Variants in BAIAP2L1 observed in about 807,000 individuals in gnomAD.
The protein encoded by BAIAP2L1 is BAR/IMD domain containing adaptor protein 2 like 1.
BAIAP2L1 carries 35 observed loss-of-function variants against 66.3 expected under a neutral mutation model. The ratio of observed to expected loss-of-function variants is 0.53; its 90% CI spans 0.40 to 0.70. BAIAP2L1 has a LOEUF of 0.70. BAIAP2L1 is among the 30% of genes least tolerant of loss of function. The pLI, the probability that BAIAP2L1 is intolerant of heterozygous loss-of-function variation, is 0.00. For missense variants in BAIAP2L1, 622 were observed against 656.9 expected (o/e 0.95, Z 0.58); for synonymous variants, 269 against 248.7 (o/e 1.08, Z -0.77).
At chr7:98,372,046 C>G (rs35174341) in intron 1 of BAIAP2L1, among the ~76,000 whole-genome samples, 1 of 151,800 alleles carries the variant, frequency 6.6e-6, no homozygotes, top group Non-Finnish European at 1.5e-5. Context: ...CACCTGCCTC[C>G]GCCTCCCAAA....
chr7:98,299,965 CG>C (rs1800354142), intron 12 of BAIAP2L1, among the ~76,000 whole-genome samples: 1 of 152,142 alleles, frequency 6.6e-6, no homozygotes, highest in African/African-American at 2.4e-5. Context: ...TGCTTGAGCC[CG>C]GGAAGTGGAG....
Position 98,295,608 on chromosome 7 carries a change from C to T in BAIAP2L1, c.1423-1497G>A, listed in dbSNP as rs149836520. Among the ~76,000 whole-genome samples the T allele has an allele frequency of 2.9e-3, 439 of 152,240 alleles. 1 individual carries two copies. The highest frequency in any genetic ancestry group is 5.7e-3 in the Admixed American group (87 of 15,288). ...AAGGGCCATGGCTGGGCCTGAGGCA[C>T]GATTCATGCCAATCCTGACTCCACT... On this transcript the variant is annotated intron_variant, in intron 12 of 13. Coordinates refer to ENST00000005260, the MANE Select transcript of BAIAP2L1 (RefSeq NM_018842.5).
Position 98,293,270 on chromosome 7 carries a change from C to A in BAIAP2L1, c.*251G>T. ...AAGATTGAAACCAAGTTTACTGTTTCTTGAACAGAATAGGAAGAAAATATT... is the reference window on the plus strand; with the variant it reads ...AAGATTGAAACCAAGTTTACTGTTTATTGAACAGAATAGGAAGAAAATATT... On this transcript the variant is annotated 3_prime_UTR_variant, in exon 14 of 14. Coordinates refer to ENST00000005260, the MANE Select transcript of BAIAP2L1 (RefSeq NM_018842.5). 1 of 404,100 alleles carries A rather than the reference C, an allele frequency of 2.5e-6. No homozygotes were observed. Among genetic ancestry groups the A allele is most frequent in the Non-Finnish European group, 4.4e-6 (1 of 225,756 alleles). The allele number at this position is 404,100 out of a possible 1,614,324, so 25.0% of individuals were successfully genotyped here.
At chr7:98,350,485 A>C (rs12111846) in intron 3 of BAIAP2L1, among the ~76,000 whole-genome samples, 2,490 of 152,202 alleles carry the variant, frequency 0.016, 75 homozygotes, top group African/African-American at 0.057. Context: ...GTGAAACAAT[A>C]CCGCTCCTAC....
At chr7:98,356,689 T>C (rs1485058824) in intron 2 of BAIAP2L1, among the ~76,000 whole-genome samples, 2 of 132,504 alleles carry the variant, frequency 1.5e-5, no homozygotes, top group Non-Finnish European at 3.2e-5. Context: ...AAAAAAAAAT[T>C]GAAGGGGCTG....
At chr7:98,340,824 T>TTTTTTTTTTG (rs1562776595) in intron 3 of BAIAP2L1, among the ~76,000 whole-genome samples, 1 of 151,276 alleles carries the variant, frequency 6.6e-6, no homozygotes, top group East Asian at 1.9e-4. Flanking sequence ...GGACAGAGTT[T>TTTTTTTTTTG]CACTCTGTCA....
At chr7:98,338,744 T>C (rs1340228427) in intron 3 of BAIAP2L1, among the ~76,000 whole-genome samples, 2 of 152,174 alleles carry the variant, frequency 1.3e-5, no homozygotes. Context: ...ACCTTTTGGC[T>C]ATTGTGAGTT....
Position 98,319,365 on chromosome 7 carries a change from C to T in BAIAP2L1, c.348+693G>A, listed in dbSNP as rs1017831641. Among the ~76,000 whole-genome samples, 11 of 152,142 alleles carry T rather than the reference C, an allele frequency of 7.2e-5. 1 individual carries two copies. The highest frequency in any genetic ancestry group is 4.1e-4 in the South Asian group (2 of 4,826). Reference sequence around the variant, plus strand: ...TCTCTGCAGATGGGCCAGGGCACACCGGGAGCCCCGGACGGTGCTCTCCCG... The same window carrying T: ...TCTCTGCAGATGGGCCAGGGCACACTGGGAGCCCCGGACGGTGCTCTCCCG... On this transcript the variant is annotated intron_variant, in intron 5 of 13. Coordinates refer to ENST00000005260, the MANE Select transcript of BAIAP2L1 (RefSeq NM_018842.5).
intron 2 of BAIAP2L1, among the ~76,000 whole-genome samples, chr7:98,357,049 A>ATATATAT (rs1406909573): frequency 4.8e-4 from 6 of 12,616 alleles, no homozygotes; most frequent in African/African-American, 8.4e-4. Flanking sequence ...ATATATATAT[A>ATATATAT]TTTTTTTTTT....
chr7:98,325,752 A>G (rs1442872278), intron 3 of BAIAP2L1, among the ~76,000 whole-genome samples: 1 of 152,240 alleles, frequency 6.6e-6, no homozygotes, highest in Non-Finnish European at 1.5e-5. Context: ...CAATTTTCCA[A>G]GTTTCAAATG....
Position 98,293,030 on chromosome 7 carries a change from T to A in BAIAP2L1, c.*491A>T, listed in dbSNP as rs1800035336. On this transcript the variant is annotated 3_prime_UTR_variant, in exon 14 of 14. Transcript: ENST00000005260. ...TTTAAGTTAAATTACATTTATATAG[T>A]ATTTTCATAATTTATATTGCTTAAA... The A allele has an allele frequency of 1.0e-6, 1 of 970,922 alleles. No individual in the cohort carries two copies. Among genetic ancestry groups the A allele is most frequent in the East Asian group, 6.6e-5 (1 of 15,124 alleles). The allele number at this position is 970,922 out of a possible 1,614,324, so 60.1% of individuals were successfully genotyped here.
chr7:98,385,218 G>C (rs904650006), intron 1 of BAIAP2L1, among the ~76,000 whole-genome samples: 3 of 151,670 alleles, frequency 2.0e-5, no homozygotes, highest in African/African-American at 7.3e-5. Flanking sequence ...AGAGGTGGGA[G>C]GATTATTTGA....
At chr7:98,357,164 G>A (rs1382261977) in intron 2 of BAIAP2L1, among the ~76,000 whole-genome samples, 13 of 146,236 alleles carry the variant, frequency 8.9e-5, no homozygotes, top group African/African-American at 2.8e-4. Context: ...TTGGATTATA[G>A]TTGTGAGCCA....
At chr7:98,385,305 T>C (rs1802860458) in intron 1 of BAIAP2L1, among the ~76,000 whole-genome samples, 1 of 152,006 alleles carries the variant, frequency 6.6e-6, no homozygotes, top group South Asian at 2.1e-4. Context: ...CGAGATTCTG[T>C]CTCAAATAAA....
At chr7:98,386,454 A>G (rs1043697995) in intron 1 of BAIAP2L1, 4 of 1,597,140 alleles carry the variant, frequency 2.5e-6, no homozygotes, top group Non-Finnish European at 3.4e-6. Context: ...CGTCTTTCCA[A>G]TATTTCTTAT....
intron 2 of BAIAP2L1, among the ~76,000 whole-genome samples, chr7:98,361,457 T>C (rs1285357394): frequency 6.6e-6 from 1 of 152,122 alleles, no homozygotes; most frequent in Non-Finnish European, 1.5e-5. Flanking sequence ...TTTCTACTTA[T>C]GTTACTTGGT....
In BAIAP2L1 at chr7:98,313,445, G is replaced by A. The variant is rs1398319126; in HGVS notation, c.640-1181C>T. ...ACACGGTGGGGATATCACGCAGGAA[G>A]AGAACCTCAAGGTCACCTCTGTCCT... On this transcript the variant is annotated intron_variant, in intron 7 of 13. Coordinates refer to ENST00000005260, the MANE Select transcript of BAIAP2L1 (RefSeq NM_018842.5). Among the ~76,000 whole-genome samples the A allele has an allele frequency of 2.0e-5, 3 of 152,204 alleles. No individual in the cohort carries two copies. The East Asian group carries it at 5.8e-4, about 29-fold the overall frequency.
At chr7:98,307,415 T>G (rs148579418) in intron 10 of BAIAP2L1, 15 of 1,277,032 alleles carry the variant, frequency 1.2e-5, no homozygotes, top group Non-Finnish European at 1.5e-5. Flanking sequence ...AAATGCTAAA[T>G]TTTTTTTAAA....
chr7:98,382,901 C>CT (rs1802791862), intron 1 of BAIAP2L1, among the ~76,000 whole-genome samples: 1 of 152,150 alleles, frequency 6.6e-6, no homozygotes, highest in African/African-American at 2.4e-5. Context: ...TCCACGTTTG[C>CT]TTTGTTCTTA....
Sources: gnomAD v4.1 joint callset for allele counts (sites outside exome capture counted in the v4.1 genomes callset) on GRCh38, gnomAD v4.1.1 for gene constraint, MANE v1.5 for transcripts, NCBI Gene and HGNC (gene_info 2026-07-23, HGNC 2026-07-21) for gene names.